LRP1B: variants seen among roughly 807,000 people sequenced by gnomAD.
LRP1B encodes the protein low-density lipoprotein receptor-related protein 1B.
Under a neutral mutation model 556.6 loss-of-function variants are expected in LRP1B, and 217 were observed. The ratio of observed to expected loss-of-function variants is 0.39; its 90% CI spans 0.35 to 0.44. The LOEUF (loss-of-function observed/expected upper bound fraction) is 0.44. Among genes scored for constraint, LRP1B ranks in the 20% least tolerant of loss-of-function variants. LRP1B has a pLI of 1.00. For missense variants in LRP1B, 5,053 were observed against 5,620.8 expected (o/e 0.90, Z 3.23); for synonymous variants, 2,047 against 1,865.8 (o/e 1.10, Z -2.50).
intron 2 of LRP1B, among the ~76,000 whole-genome samples, chr2:141,714,232 T>C (rs2105483857): frequency 1.3e-5 from 2 of 152,298 alleles, no homozygotes; most frequent in Middle Eastern, 3.4e-3. Context: ...TAACTCATTA[T>C]ACTTGGAAGC....
At chr2:140,487,437 A>G (rs1447881443) in intron 58 of LRP1B, among the ~76,000 whole-genome samples, 180 bp downstream of exon 58, 1 of 151,984 alleles carries the variant, frequency 6.6e-6, no homozygotes, top group African/African-American at 2.4e-5. Context: ...ATAATGAAAC[A>G]TAAGAATAAA....
At chr2:141,030,714 A>C (rs1698343466) in intron 11 of LRP1B, among the ~76,000 whole-genome samples, 1 of 152,078 alleles carries the variant, frequency 6.6e-6, no homozygotes, top group Non-Finnish European at 1.5e-5. Context: ...ATTACAATAT[A>C]TTTCTTCAAG....
intron 2 of LRP1B, among the ~76,000 whole-genome samples, chr2:141,715,645 A>G (rs916736535): frequency 1.1e-4 from 16 of 151,744 alleles, no homozygotes; most frequent in Admixed American, 3.9e-4. Flanking sequence ...TGAAACCCCA[A>G]CTCTACTAAA....
At chr2:141,838,055 T>C (rs1322087229) in intron 1 of LRP1B, among the ~76,000 whole-genome samples, 1 of 152,090 alleles carries the variant, frequency 6.6e-6, no homozygotes, top group Non-Finnish European at 1.5e-5. Context: ...ACAGAGTAGC[T>C]TGTTAACCCA....
intron 1 of LRP1B, among the ~76,000 whole-genome samples, chr2:141,933,351 A>C (rs1700554464): frequency 6.6e-6 from 1 of 152,110 alleles, no homozygotes; most frequent in Non-Finnish European, 1.5e-5. Flanking sequence ...AGACTAAGTA[A>C]ATGCAGGAAA....
At chr2:141,107,610 C>T (rs1700639058) in intron 7 of LRP1B, among the ~76,000 whole-genome samples, 1 of 151,964 alleles carries the variant, frequency 6.6e-6, no homozygotes, top group Non-Finnish European at 1.5e-5. Context: ...CGCGCCACTG[C>T]ACTCCAGCCT....
Position 140,787,360 on chromosome 2 carries a change from C to T in LRP1B, c.5360-11122G>A, listed in dbSNP as rs151315868. On this transcript the variant is annotated intron_variant, in intron 32 of 90. Coordinates refer to ENST00000389484, the MANE Select transcript of LRP1B (RefSeq NM_018557.3). ...CTATTCCCTCCACTCACTTCTACTCCCATTATCTGAATAATAGACACATAT... is the reference window on the plus strand; with the variant it reads ...CTATTCCCTCCACTCACTTCTACTCTCATTATCTGAATAATAGACACATAT... Among the ~76,000 whole-genome samples the T allele has an allele frequency of 8.5e-5, 13 of 152,188 alleles. No homozygotes were observed. The East Asian group carries it at 2.5e-3, about 29-fold the overall frequency.
At chr2:140,960,358 A>G (rs972411750) in intron 18 of LRP1B, among the ~76,000 whole-genome samples, 2 of 151,796 alleles carry the variant, frequency 1.3e-5, no homozygotes, top group Admixed American at 1.3e-4. Flanking sequence ...CTAGTTATAG[A>G]TCTTTCTCCC....
chr2:141,860,043 A>C (rs1031571309), intron 1 of LRP1B, among the ~76,000 whole-genome samples: 5 of 152,060 alleles, frequency 3.3e-5, no homozygotes, highest in Admixed American at 2.0e-4. Context: ...CACATCGTAC[A>C]CCTCTTGAAA....
intron 41 of LRP1B, among the ~76,000 whole-genome samples, chr2:140,633,803 C>T (rs896640873): frequency 6.6e-6 from 1 of 152,036 alleles, no homozygotes; most frequent in Non-Finnish European, 1.5e-5. Context: ...GAAATAGAAT[C>T]AACAATAATT....
chr2:140,936,465 G>A (rs1043105463), intron 20 of LRP1B, among the ~76,000 whole-genome samples: 1 of 151,176 alleles, frequency 6.6e-6, no homozygotes, highest in African/African-American at 2.4e-5. Flanking sequence ...GTGAAATTAA[G>A]ACCTTCCCAG....
chr2:140,514,814 C>T lies in LRP1B; in HGVS notation c.8150-42G>A, dbSNP rs756154068. ...AGGAAAAAAAAAAATAGTTTGAGACCGTCTTACAACAGATCCGACAGTGAG... is the reference window on the plus strand; with the variant it reads ...AGGAAAAAAAAAAATAGTTTGAGACTGTCTTACAACAGATCCGACAGTGAG... On this transcript the variant is annotated intron_variant, in intron 50 of 90. Coordinates refer to ENST00000389484, the MANE Select transcript of LRP1B (RefSeq NM_018557.3). 64 of 1,547,986 alleles carry T rather than the reference C, an allele frequency of 4.1e-5. No individual in the cohort carries two copies. In the Admixed American group the frequency reaches 8.1e-4, roughly 19 times the overall value.
intron 1 of LRP1B, among the ~76,000 whole-genome samples, chr2:141,873,229 G>A (rs1011035060): frequency 4.6e-5 from 7 of 151,982 alleles, no homozygotes; most frequent in Non-Finnish European, 7.4e-5. Context: ...GCTGAGGCAG[G>A]AGACTTGCTT....
intron 19 of LRP1B, among the ~76,000 whole-genome samples, chr2:140,951,543 T>C (rs1366943156): frequency 6.6e-6 from 1 of 152,180 alleles, no homozygotes; most frequent in Non-Finnish European, 1.5e-5. Flanking sequence ...GTTACACGCA[T>C]GTTTTATGGA....
intron 3 of LRP1B, among the ~76,000 whole-genome samples, chr2:141,336,748 A>C (rs1428156916): frequency 6.6e-6 from 1 of 152,114 alleles, no homozygotes; most frequent in African/African-American, 2.4e-5. Context: ...TCAACCCCTG[A>C]TTTGATTTCT....
intron 2 of LRP1B, among the ~76,000 whole-genome samples, chr2:141,787,759 A>G (rs1695472540): frequency 6.6e-6 from 1 of 151,890 alleles, no homozygotes; most frequent in African/African-American, 2.4e-5. Context: ...TAAAAAAAAA[A>G]CCACTGATTT....
At chr2:140,335,437 A>G (rs1402892225) in intron 78 of LRP1B, among the ~76,000 whole-genome samples, 178 bp downstream of exon 78, 1 of 151,962 alleles carries the variant, frequency 6.6e-6, no homozygotes, top group Non-Finnish European at 1.5e-5. Flanking sequence ...AAAAATTTGT[A>G]TCATCATTTG....
At chr2:140,642,742 G>T (rs1684344062) in intron 41 of LRP1B, among the ~76,000 whole-genome samples, 1 of 152,122 alleles carries the variant, frequency 6.6e-6, no homozygotes, top group African/African-American at 2.4e-5. Flanking sequence ...TACTCGGGAG[G>T]CTGAGGCAGG....
intron 35 of LRP1B, among the ~76,000 whole-genome samples, chr2:140,733,986 A>G (rs1362178386): frequency 6.6e-6 from 1 of 152,202 alleles, no homozygotes. Flanking sequence ...GGCCCTGGGA[A>G]TACTCCTGCT....
Sources: gnomAD v4.1 joint callset for allele counts (sites outside exome capture counted in the v4.1 genomes callset) on GRCh38, gnomAD v4.1.1 for gene constraint, MANE v1.5 for transcripts, NCBI Gene and HGNC (gene_info 2026-07-23, HGNC 2026-07-21) for gene names.